The following SGCD variants were observed in gnomAD, a reference collection of about 807,000 sequenced individuals.
SGCD encodes delta-sarcoglycan.
A neutral mutation model predicts 36.6 loss-of-function variants in SGCD; 18 were observed. The ratio of observed to expected loss-of-function variants is 0.49; its 90% CI spans 0.34 to 0.73. The LOEUF (loss-of-function observed/expected upper bound fraction) is 0.73, where lower values mean the gene tolerates loss of function less well. Ranked by LOEUF, SGCD falls within the 30% of genes least tolerant of loss-of-function variation. The pLI is 0.01. For synonymous variants in SGCD, 133 were observed against 130.6 expected (o/e 1.02, Z -0.12); for missense variants, 387 against 346.7 (o/e 1.12, Z -0.92).
chr5:155,972,052 G>T (rs1758016292), intron 1 of SGCD, among the ~76,000 whole-genome samples: 1 of 152,142 alleles, frequency 6.6e-6, no homozygotes, highest in Non-Finnish European at 1.5e-5. Context: ...GTTAGGAATA[G>T]AATGATCATT....
intron 1 of SGCD, among the ~76,000 whole-genome samples, chr5:156,003,744 C>T: frequency 6.6e-6 from 1 of 152,090 alleles, no homozygotes; most frequent in East Asian, 1.9e-4. Context: ...TAAGGATAAG[C>T]TAGTGGATTT....
At chr5:156,126,002 T>C (rs1240629163) in intron 3 of SGCD, among the ~76,000 whole-genome samples, 2 of 151,648 alleles carry the variant, frequency 1.3e-5, no homozygotes, top group Non-Finnish European at 1.5e-5. Flanking sequence ...CTCAGCCTCC[T>C]AAGTAGCTGG....
chr5:156,352,199 C>G (rs1310868007), intron 3 of SGCD, among the ~76,000 whole-genome samples: 1 of 152,122 alleles, frequency 6.6e-6, no homozygotes, highest in African/African-American at 2.4e-5. Context: ...TATTAAGTGA[C>G]AAAACTACAA....
chr5:156,590,151 G>A (rs157293), intron 5 of SGCD, among the ~76,000 whole-genome samples: 49,525 of 151,988 alleles, frequency 0.33, 9,180 homozygotes, highest in African/African-American at 0.51. Context: ...TAAAGTATAC[G>A]GATGGACATT....
At chr5:156,254,150 A>G (rs932263104) in intron 3 of SGCD, among the ~76,000 whole-genome samples, 1 of 152,196 alleles carries the variant, frequency 6.6e-6, no homozygotes, top group African/African-American at 2.4e-5. Context: ...CACTGATAAT[A>G]GGCACTCATG....
chr5:156,298,368 T>G (rs1220123508), intron 3 of SGCD, among the ~76,000 whole-genome samples: 1 of 152,186 alleles, frequency 6.6e-6, no homozygotes, highest in African/African-American at 2.4e-5. Flanking sequence ...TGTACTAATT[T>G]ACATTCCCAC....
chr5:156,533,547 A>G (rs1757974416), intron 4 of SGCD, among the ~76,000 whole-genome samples: 1 of 152,216 alleles, frequency 6.6e-6, no homozygotes, highest in African/African-American at 2.4e-5. Context: ...AAATAAATGG[A>G]AGATTATAAA....
At chr5:155,884,412 T>C (rs1755960470) in intron 1 of SGCD, among the ~76,000 whole-genome samples, 1 of 152,210 alleles carries the variant, frequency 6.6e-6, no homozygotes, top group Non-Finnish European at 1.5e-5. Context: ...CATTTAACTT[T>C]CAGCAGTAAG....
intron 6 of SGCD, among the ~76,000 whole-genome samples, chr5:156,603,275 T>C (rs985488820): frequency 6.6e-6 from 1 of 152,112 alleles, no homozygotes; most frequent in Non-Finnish European, 1.5e-5. Context: ...TTCTGTGGTA[T>C]GAGTTGTAAC....
At chr5:155,776,774 G>A in the SGCD span, among the ~76,000 whole-genome samples, 9 of 151,992 alleles carry the variant, frequency 5.9e-5, no homozygotes, top group African/African-American at 2.2e-4. Context: ...CTCATCTTAT[G>A]AGACAAAACT....
the SGCD span, among the ~76,000 whole-genome samples, chr5:155,729,407 AAAG>A: frequency 6.6e-6 from 1 of 152,260 alleles, no homozygotes; most frequent in Non-Finnish European, 1.5e-5. Context: ...TTGGTATATT[AAAG>A]AAGTGTGTGT....
intron 3 of SGCD, among the ~76,000 whole-genome samples, chr5:156,218,380 T>C (rs1764630663): frequency 1.3e-5 from 2 of 152,210 alleles, no homozygotes; most frequent in South Asian, 2.1e-4. Context: ...TCAAATTTAC[T>C]TAAAGTCTTG....
At chr5:156,277,429 G>A (rs148415808) in intron 3 of SGCD, among the ~76,000 whole-genome samples, 1 of 152,208 alleles carries the variant, frequency 6.6e-6, no homozygotes, top group Non-Finnish European at 1.5e-5. Flanking sequence ...TAGCCCACTT[G>A]TAATGAGGAA....
chr5:156,219,593 A>G (rs762390884), intron 3 of SGCD, among the ~76,000 whole-genome samples: 4 of 152,316 alleles, frequency 2.6e-5, no homozygotes, highest in Non-Finnish European at 4.4e-5. Flanking sequence ...TGTGATTTGA[A>G]TAGATGAAGC....
At chr5:155,868,871 T>C (rs1031101293), upstream of SGCD, among the ~76,000 whole-genome samples, 2 of 152,156 alleles carry the variant, frequency 1.3e-5, no homozygotes, top group African/African-American at 4.8e-5. Context: ...AGGAAGCAAC[T>C]TCAGCTTTAA....
chr5:156,381,376 A>G (rs1770965073), intron 3 of SGCD, among the ~76,000 whole-genome samples: 1 of 152,136 alleles, frequency 6.6e-6, no homozygotes, highest in Non-Finnish European at 1.5e-5. Flanking sequence ...TTGGAATACC[A>G]TTTTTCATTC....
At chr5:156,439,990 A>G (rs1304657974) in intron 3 of SGCD, among the ~76,000 whole-genome samples, 1 of 152,150 alleles carries the variant, frequency 6.6e-6, no homozygotes, top group Non-Finnish European at 1.5e-5. Flanking sequence ...TGAAATTCAC[A>G]CAACATAAAA....
At chr5:156,057,427 G>T (rs1398949271) in intron 1 of SGCD, among the ~76,000 whole-genome samples, 1 of 146,638 alleles carries the variant, frequency 6.8e-6, no homozygotes, top group Non-Finnish European at 1.5e-5. Flanking sequence ...ATAAAAAACA[G>T]CTGTGATAGA....
the SGCD span, among the ~76,000 whole-genome samples, chr5:155,776,314 G>A: frequency 6.6e-6 from 1 of 152,226 alleles, no homozygotes; most frequent in Non-Finnish European, 1.5e-5. Context: ...AGGGTTCAGA[G>A]TACATTGGAC....
Sources: gnomAD v4.1 joint callset for allele counts (sites outside exome capture counted in the v4.1 genomes callset) on GRCh38, gnomAD v4.1.1 for gene constraint, MANE v1.5 for transcripts, NCBI Gene and HGNC (gene_info 2026-07-23, HGNC 2026-07-21) for gene names.